Variants in AGBL3 observed in about 807,000 individuals in gnomAD.
AGBL3 encodes the protein cytosolic carboxypeptidase 3.
AGBL3 carries 68 observed loss-of-function variants against 94.5 expected under a neutral mutation model. That is an observed-to-expected ratio of 0.72 (90% confidence interval 0.59 to 0.88). The LOEUF is 0.88. AGBL3 is among the 40% of genes least tolerant of loss of function. The pLI is 0.00. For synonymous variants in AGBL3, 354 were observed against 370.7 expected (o/e 0.95, Z 0.52); for missense variants, 934 against 1,103.8 (o/e 0.85, Z 2.18).
At chr7:135,096,795 A>AAAG (rs1822968399) in intron 15 of AGBL3, among the ~76,000 whole-genome samples, 2 of 123,640 alleles carry the variant, frequency 1.6e-5, no homozygotes, top group South Asian at 5.1e-4. Context: ...AAGAAAGAAA[A>AAAG]AGGGAAGAAG....
chr7:135,110,361 AG>A (rs1217011521), intron 15 of AGBL3, among the ~76,000 whole-genome samples: 1 of 152,194 alleles, frequency 6.6e-6, no homozygotes, highest in Non-Finnish European at 1.5e-5. Flanking sequence ...CTGGAGTTGC[AG>A]CCACTTTTGC....
At chr7:135,118,025 C>A (rs1344725649) in intron 16 of AGBL3, among the ~76,000 whole-genome samples, 1 of 152,194 alleles carries the variant, frequency 6.6e-6, no homozygotes, top group Non-Finnish European at 1.5e-5. Flanking sequence ...GCAGAGACTG[C>A]AGATGAATAA....
chr7:135,133,755 C>A (rs901260042), intron 16 of AGBL3, among the ~76,000 whole-genome samples: 1 of 152,000 alleles, frequency 6.6e-6, no homozygotes, highest in Non-Finnish European at 1.5e-5. Context: ...ACATCTTATA[C>A]AAAAATTAAC....
chr7:135,104,121 T>C (rs1824283268), intron 15 of AGBL3, among the ~76,000 whole-genome samples: 1 of 152,144 alleles, frequency 6.6e-6, no homozygotes, highest in African/African-American at 2.4e-5. Flanking sequence ...TTTGTGTCCC[T>C]ATGTTCTCAT....
intron 8 of AGBL3, among the ~76,000 whole-genome samples, chr7:135,043,001 ATTTCTT>A (rs913487079): frequency 6.6e-6 from 1 of 152,170 alleles, no homozygotes; most frequent in African/African-American, 2.4e-5. Context: ...ACCTCAAAAA[ATTTCTT>A]TGTAGACAAT....
At chr7:135,007,012 CAAGTA>C (rs1812471681) in intron 4 of AGBL3, among the ~76,000 whole-genome samples, 1 of 151,862 alleles carries the variant, frequency 6.6e-6, no homozygotes, top group African/African-American at 2.4e-5. Context: ...AGACATATAA[CAAGTA>C]AAGAGATTTA....
At chr7:135,093,689 T>C (rs1222848612) in intron 15 of AGBL3, 1 of 152,192 alleles carries the variant, frequency 6.6e-6, no homozygotes, top group East Asian at 1.9e-4. Context: ...ACTCCTCAAA[T>C]TGATAGATTC....
intron 5 of AGBL3, among the ~76,000 whole-genome samples, chr7:135,024,821 T>C (rs973027428): frequency 2.0e-5 from 3 of 148,394 alleles, no homozygotes; most frequent in Non-Finnish European, 3.0e-5. Context: ...ATTGAAAAAT[T>C]CACTACAAGA....
chr7:134,991,326 C>T (rs750123885), intron 3 of AGBL3, among the ~76,000 whole-genome samples: 2 of 152,060 alleles, frequency 1.3e-5, no homozygotes, highest in Non-Finnish European at 2.9e-5. Context: ...AGATACCTTT[C>T]TCTGGTTGCT....
intron 3 of AGBL3, among the ~76,000 whole-genome samples, chr7:134,991,874 C>A (rs7802622): frequency 0.018 from 2,797 of 152,264 alleles, 78 homozygotes; most frequent in African/African-American, 0.063. Flanking sequence ...CACCACCACA[C>A]TTCTCTGTGC....
At chr7:135,100,720 T>C (rs375658471) in intron 15 of AGBL3, among the ~76,000 whole-genome samples, 2 of 152,346 alleles carry the variant, frequency 1.3e-5, no homozygotes, top group South Asian at 2.1e-4. Flanking sequence ...CTTAATTTTT[T>C]AAAATGTATT....
chr7:135,051,731 TTC>T (rs1817894826), intron 11 of AGBL3, among the ~76,000 whole-genome samples: 1 of 152,250 alleles, frequency 6.6e-6, no homozygotes, highest in Non-Finnish European at 1.5e-5. Context: ...TGTATCTCCC[TTC>T]TCTTATACTG....
At chr7:135,127,161 C>T (rs936548296) in intron 16 of AGBL3, among the ~76,000 whole-genome samples, 2 of 152,150 alleles carry the variant, frequency 1.3e-5, no homozygotes, top group African/African-American at 4.8e-5. Context: ...GGAACTTAAA[C>T]ATATTTACAA....
At chr7:135,053,800 C>A (rs1818097591) in intron 11 of AGBL3, among the ~76,000 whole-genome samples, 1 of 152,034 alleles carries the variant, frequency 6.6e-6, no homozygotes, top group Non-Finnish European at 1.5e-5. Context: ...AAAATAAAAA[C>A]ATTTCTAATA....
intron 15 of AGBL3, among the ~76,000 whole-genome samples, chr7:135,088,131 T>TA (rs1821478146): frequency 6.6e-6 from 1 of 152,154 alleles, no homozygotes; most frequent in Non-Finnish European, 1.5e-5. Context: ...TAAGTATAGA[T>TA]ACTTCTGCTC....
At chr7:135,008,660 A>G (rs2133448300) in intron 4 of AGBL3, among the ~76,000 whole-genome samples, 1 of 152,264 alleles carries the variant, frequency 6.6e-6, no homozygotes, top group Non-Finnish European at 1.5e-5. Flanking sequence ...TCAAAATTGA[A>G]ACTTCTGTGT....
chr7:135,130,990 T>C (rs931674627), intron 16 of AGBL3, among the ~76,000 whole-genome samples: 3 of 152,160 alleles, frequency 2.0e-5, no homozygotes, highest in African/African-American at 7.2e-5. Flanking sequence ...TTTTCCTACT[T>C]TGTCATTGAA....
rs563219017 is a variant in AGBL3 at position 135,065,584 on chromosome 7, T to C, written c.1908+6349T>C. Among the ~76,000 whole-genome samples, 7 of 152,202 alleles carry C rather than the reference T, an allele frequency of 4.6e-5. No individual in the cohort carries two copies. The East Asian group carries it at 9.6e-4, about 21-fold the overall frequency. ...CTAAGAATACACAATGAAGAAAAGA[T>C]AGTCTCTTGAAAAAATAGTGTTGGT... On this transcript the variant is annotated intron_variant, in intron 12 of 16. Coordinates refer to ENST00000436302, the MANE Select transcript of AGBL3 (RefSeq NM_178563.4).
chr7:135,095,100 T>C (rs2116948845), intron 15 of AGBL3, among the ~76,000 whole-genome samples: 1 of 152,292 alleles, frequency 6.6e-6, no homozygotes, highest in East Asian at 1.9e-4. Flanking sequence ...AGGTGAACAG[T>C]CTTTACCAGA....
Sources: allele counts gnomAD v4.1 joint callset (sites outside exome capture counted in the v4.1 genomes callset), GRCh38; gene constraint gnomAD v4.1.1; transcripts MANE v1.5; gene names NCBI Gene and HGNC (gene_info 2026-07-23, HGNC 2026-07-21).